Variants in AGBL4 observed in about 807,000 individuals in gnomAD.
AGBL4 encodes cytosolic carboxypeptidase 6.
AGBL4 carries 58 observed loss-of-function variants against 66.4 expected under a neutral mutation model. The observed-to-expected ratio is 0.87, with a 90% CI of 0.71 to 1.09. The LOEUF (loss-of-function observed/expected upper bound fraction) is 1.09. Ranked by LOEUF, AGBL4 falls within the 50% of genes least tolerant of loss-of-function variation. The pLI, the probability that AGBL4 is intolerant of heterozygous loss-of-function variation, is 0.00. For missense variants in AGBL4, 579 were observed against 631.0 expected, an observed-to-expected ratio of 0.92 and a Z score of 0.88; for synonymous variants, 234 against 222.9, an observed-to-expected ratio of 1.05 and a Z score of -0.44.
At chr1:48,566,141 T>C (rs1644472678) in intron 11 of AGBL4, among the ~76,000 whole-genome samples, 1 of 152,206 alleles carries the variant, frequency 6.6e-6, no homozygotes, top group Non-Finnish European at 1.5e-5. Flanking sequence ...TTTAAGGCTT[T>C]CCATGATCTG....
chr1:49,279,750 C>T (rs1279213049), intron 3 of AGBL4, among the ~76,000 whole-genome samples: 1 of 152,088 alleles, frequency 6.6e-6, no homozygotes, highest in Non-Finnish European at 1.5e-5. Context: ...CTGATCTAGC[C>T]AACTCCTATC....
At chr1:49,509,336 G>A (rs1338837657) in intron 3 of AGBL4, among the ~76,000 whole-genome samples, 1 of 151,840 alleles carries the variant, frequency 6.6e-6, no homozygotes, top group Non-Finnish European at 1.5e-5. Context: ...CCATATGTCA[G>A]GGCCTGTATT....
intron 4 of AGBL4, among the ~76,000 whole-genome samples, chr1:49,067,583 C>T (rs1644514342): frequency 1.3e-5 from 2 of 152,082 alleles, no homozygotes; most frequent in African/African-American, 4.8e-5. Flanking sequence ...ATCTCAGATG[C>T]CACCTACACA....
intron 3 of AGBL4, among the ~76,000 whole-genome samples, chr1:49,415,068 G>C (rs1275749633): frequency 1.3e-5 from 2 of 152,090 alleles, no homozygotes; most frequent in African/African-American, 4.8e-5. Flanking sequence ...GTTAATAGCA[G>C]ATCTGGAAAC....
chr1:49,768,032 A>C (rs1211208951), intron 2 of AGBL4, among the ~76,000 whole-genome samples: 1 of 151,976 alleles, frequency 6.6e-6, no homozygotes, highest in African/African-American at 2.4e-5. Context: ...CAAAACAAAA[A>C]AACCCTGTCA....
chr1:48,715,565 G>T (rs771231145), intron 6 of AGBL4, among the ~76,000 whole-genome samples: 2 of 152,122 alleles, frequency 1.3e-5, no homozygotes, highest in Admixed American at 6.5e-5. Context: ...ATGGCTTCAG[G>T]TGAGTATTTG....
At chr1:49,636,743 TG>T (rs1392645237) in intron 3 of AGBL4, among the ~76,000 whole-genome samples, 1 of 152,062 alleles carries the variant, frequency 6.6e-6, no homozygotes, top group East Asian at 1.9e-4. Flanking sequence ...ACAAGAATGG[TG>T]GGGAGGAGTC....
intron 3 of AGBL4, among the ~76,000 whole-genome samples, chr1:49,562,713 C>A (rs1398937875): frequency 7.2e-5 from 11 of 152,144 alleles, no homozygotes; most frequent in Non-Finnish European, 1.5e-5. Context: ...TTACTGTGGC[C>A]TTGTAGTATA....
intron 1 of AGBL4, among the ~76,000 whole-genome samples, chr1:49,957,917 T>G (rs1191226060): frequency 6.6e-6 from 1 of 152,050 alleles, no homozygotes; most frequent in Non-Finnish European, 1.5e-5. Flanking sequence ...GTTAGCTGGT[T>G]ATTTTGCTCG....
chr1:49,170,082 C>A (rs1239239813), intron 4 of AGBL4, among the ~76,000 whole-genome samples: 1 of 151,466 alleles, frequency 6.6e-6, no homozygotes, highest in Non-Finnish European at 1.5e-5. Flanking sequence ...GGCTTCACCA[C>A]TGTACAATTC....
intron 7 of AGBL4, among the ~76,000 whole-genome samples, chr1:48,659,200 C>T (rs1646068641): frequency 3.2e-5 from 1 of 30,984 alleles, no homozygotes; most frequent in Non-Finnish European, 6.5e-5. Flanking sequence ...TGGGGCTGAC[C>T]CACCATTGAC....
At chr1:48,600,012 G>T (rs1645051408) in intron 9 of AGBL4, among the ~76,000 whole-genome samples, 2 of 152,078 alleles carry the variant, frequency 1.3e-5, no homozygotes, top group Admixed American at 6.5e-5. Context: ...ACCGTGGAGT[G>T]GTCAGAGAAG....
At chr1:48,562,137 CTCAATCGTGAGTAAGATG>C (rs2148299407) in intron 11 of AGBL4, among the ~76,000 whole-genome samples, 1 of 152,282 alleles carries the variant, frequency 6.6e-6, no homozygotes, top group South Asian at 2.1e-4. Context: ...GAATGTTCCT[CTCAATCGTGAGTAAGATG>C]TCAAGTCTCC....
chr1:49,663,838 A>C (rs974064445), intron 3 of AGBL4, among the ~76,000 whole-genome samples: 5 of 152,130 alleles, frequency 3.3e-5, no homozygotes, highest in Non-Finnish European at 7.4e-5. Context: ...AAGAAATATC[A>C]TTTAAATATA....
intron 6 of AGBL4, among the ~76,000 whole-genome samples, chr1:48,819,669 T>C (rs1646267440): frequency 6.6e-6 from 1 of 152,182 alleles, no homozygotes. Context: ...TCTAGTCCAG[T>C]GTTTGCATTT....
chr1:49,407,056 C>T (rs1163934065), intron 3 of AGBL4, among the ~76,000 whole-genome samples: 2 of 114,280 alleles, frequency 1.8e-5, no homozygotes, highest in African/African-American at 7.3e-5. Context: ...CAGAGTGAGA[C>T]TCTGCCTCCA....
intron 2 of AGBL4, among the ~76,000 whole-genome samples, chr1:49,699,484 A>G (rs1166949626): frequency 6.6e-6 from 1 of 152,080 alleles, no homozygotes; most frequent in South Asian, 2.1e-4. Flanking sequence ...AATCTAAAAT[A>G]CATAGGTAGG....
chr1:50,001,068 T>C (rs1055521319), intron 1 of AGBL4, among the ~76,000 whole-genome samples: 6 of 151,586 alleles, frequency 4.0e-5, no homozygotes, highest in African/African-American at 1.5e-4. Flanking sequence ...TAAAACTAGA[T>C]ATTTGATATT....
At chr1:49,233,627 C>G (rs969656677) in intron 4 of AGBL4, among the ~76,000 whole-genome samples, 1 of 152,164 alleles carries the variant, frequency 6.6e-6, no homozygotes, top group Non-Finnish European at 1.5e-5. Flanking sequence ...GCACAAATAA[C>G]TGTAATTTAG....
Sources: gnomAD v4.1 joint callset for allele counts (sites outside exome capture counted in the v4.1 genomes callset) on GRCh38, gnomAD v4.1.1 for gene constraint, MANE v1.5 for transcripts, NCBI Gene and HGNC (gene_info 2026-07-23, HGNC 2026-07-21) for gene names.